The following GALNT17 variants were observed in gnomAD, a reference collection of about 807,000 sequenced individuals.
GALNT17 encodes UDP-GalNAc:polypeptide N-acetylgalactosaminyltransferase-like 3.
GALNT17 carries 29 observed loss-of-function variants against 63.7 expected under a neutral mutation model. That is an observed-to-expected ratio of 0.46 (90% CI 0.34 to 0.62). The LOEUF (loss-of-function observed/expected upper bound fraction) is 0.62. GALNT17 is among the 20% of genes least tolerant of loss of function. GALNT17 has a pLI of 0.01. For synonymous variants in GALNT17, 305 were observed against 318.3 expected (o/e 0.96, Z 0.45); for missense variants, 603 against 799.6 (o/e 0.75, Z 2.97).
At chr7:71,250,437 A>G (rs981846064) in intron 1 of GALNT17, among the ~76,000 whole-genome samples, 8 of 152,152 alleles carry the variant, frequency 5.3e-5, no homozygotes, top group South Asian at 4.2e-4. Flanking sequence ...CAGTATGGCT[A>G]TATTTTAAAT....
chr7:71,650,776 G>A (rs1279799763), intron 6 of GALNT17, among the ~76,000 whole-genome samples: 2 of 152,194 alleles, frequency 1.3e-5, no homozygotes, highest in African/African-American at 4.8e-5. Context: ...AGTGAATACA[G>A]TGTTTTCACC....
intron 6 of GALNT17, among the ~76,000 whole-genome samples, chr7:71,661,266 C>T (rs1392008312): frequency 7.2e-5 from 11 of 152,242 alleles, no homozygotes; most frequent in Admixed American, 4.6e-4. Context: ...GGTTCTGACT[C>T]CTCCCCTTAC....
intron 5 of GALNT17, among the ~76,000 whole-genome samples, chr7:71,470,754 G>T (rs1787614640): frequency 6.6e-6 from 1 of 152,148 alleles, no homozygotes; most frequent in African/African-American, 2.4e-5. Flanking sequence ...GAGAGTGAGG[G>T]TGGGTGTTTT....
intron 1 of GALNT17, among the ~76,000 whole-genome samples, chr7:71,211,932 G>T (rs1430981209): frequency 1.3e-5 from 2 of 152,188 alleles, no homozygotes; most frequent in Admixed American, 6.5e-5. Flanking sequence ...ATAAAAGTTT[G>T]GAAAATTTGC....
At chr7:71,380,981 GA>G (rs1249636515) in intron 2 of GALNT17, among the ~76,000 whole-genome samples, 1 of 149,952 alleles carries the variant, frequency 6.7e-6, no homozygotes, top group African/African-American at 2.5e-5. Flanking sequence ...TTTTTTTTAA[GA>G]CAGGATCTCG....
rs968757491 is a variant in GALNT17, at chr7:71,436,056, C to T, written c.962+14951C>T. ...AAAAAAAAAAAACAACTCTGATCCC[C>T]GAATGCTCAGGGAGACTGATTTGAG... On this transcript the variant is annotated intron_variant, in intron 5 of 10. Coordinates refer to ENST00000333538, the MANE Select transcript of GALNT17 (RefSeq NM_022479.3). Among the ~76,000 whole-genome samples the T allele has an allele frequency of 2.0e-5, 3 of 151,750 alleles. No individual in the cohort carries two copies. The East Asian group carries it at 5.8e-4, about 29-fold the overall frequency.
chr7:71,464,719 G>T (rs573378589), intron 5 of GALNT17, among the ~76,000 whole-genome samples: 18 of 152,294 alleles, frequency 1.2e-4, no homozygotes, highest in Admixed American at 9.8e-4. Context: ...TCCGTGGACA[G>T]GATCAAGACT....
intron 1 of GALNT17, among the ~76,000 whole-genome samples, chr7:71,195,838 A>G (rs1344210505): frequency 6.6e-6 from 1 of 151,766 alleles, no homozygotes; most frequent in Non-Finnish European, 1.5e-5. Context: ...CACCCAGCCG[A>G]GCCTATCATC....
At chr7:71,613,791 GAT>G (rs1491107897) in intron 6 of GALNT17, among the ~76,000 whole-genome samples, 1 of 139,300 alleles carries the variant, frequency 7.2e-6, no homozygotes, top group Non-Finnish European at 1.5e-5. Context: ...CCATCTCTAT[GAT>G]TTTTTTTTTT....
intron 6 of GALNT17, among the ~76,000 whole-genome samples, chr7:71,607,935 C>T (rs1562708637): frequency 6.6e-6 from 1 of 152,178 alleles, no homozygotes; most frequent in East Asian, 1.9e-4. Flanking sequence ...TAGTCCTGAA[C>T]TTTCAGTTGC....
chr7:71,467,332 T>TTA (rs1787553149), intron 5 of GALNT17, among the ~76,000 whole-genome samples: 1 of 152,154 alleles, frequency 6.6e-6, no homozygotes, highest in Admixed American at 6.5e-5. Flanking sequence ...GTATACCATG[T>TTA]TATAGATCAA....
chr7:71,614,746 G>C (rs1456819966), intron 6 of GALNT17, among the ~76,000 whole-genome samples: 1 of 150,458 alleles, frequency 6.6e-6, no homozygotes, highest in East Asian at 1.9e-4. Flanking sequence ...GAAGTGGAGA[G>C]AGCGAAAGAA....
At position 71,588,531 on chromosome 7, in the gene GALNT17, T is replaced by A. The variant is rs149167668; in HGVS notation, c.1080+17129T>A. Among the ~76,000 whole-genome samples the A allele has an allele frequency of 6.8e-4, 103 of 152,342 alleles. 1 individual carries two copies. In the East Asian group the frequency reaches 0.019, roughly 28 times the overall value. On this transcript the variant is annotated intron_variant, in intron 6 of 10. Coordinates refer to ENST00000333538, the MANE Select transcript of GALNT17 (RefSeq NM_022479.3). ...TTAAGTTCACTTTTGTTTTTTCTTT[T>A]CTACCGAGGCTACAAGTCAGTTAAC... is the stretch of plus-strand genomic sequence containing the variant.
intron 9 of GALNT17, among the ~76,000 whole-genome samples, chr7:71,709,044 T>C (rs140907527): frequency 6.6e-6 from 1 of 152,200 alleles, no homozygotes; most frequent in Non-Finnish European, 1.5e-5. Context: ...GTCTTTTTGG[T>C]AGAATGATGT....
At chr7:71,482,264 C>T (rs1180105511) in intron 5 of GALNT17, among the ~76,000 whole-genome samples, 1 of 151,976 alleles carries the variant, frequency 6.6e-6, no homozygotes, top group Non-Finnish European at 1.5e-5. Flanking sequence ...ATTCTCCTGC[C>T]TCAGCCTCCA....
intron 9 of GALNT17, among the ~76,000 whole-genome samples, chr7:71,692,405 AG>A (rs1290077348): frequency 6.6e-6 from 1 of 152,200 alleles, no homozygotes; most frequent in African/African-American, 2.4e-5. Flanking sequence ...TGAATTAAAA[AG>A]GAAACAACGT....
Position 71,571,309 on chromosome 7 carries a change from G to A in GALNT17, c.987G>A (p.Ser329=), listed in dbSNP as rs144028983. 2.7e-4 allele frequency: 442 copies of A among 1,614,038 alleles called. 1 individual carries two copies. In the African/African-American group the frequency reaches 5.1e-3, roughly 19 times the overall value. ...PIRTPAMIGC[S]FVVNRKFFGE... ...GGACCCCAGCCATGATAGGCTGCTC[G>A]TTCGTGGTCAACAGGAAGTTCTTCG... The change falls in exon 6 of 11, where the codon TCG becomes TCA. Residue 329 remains serine (S), a synonymous_variant. Transcript: ENST00000333538.
rs180677338 is a variant in GALNT17, at chr7:71,365,199, C to T, written c.423-23036C>T. ...CTGCCTGCCTCAGCCTCCCAAAGCA[C>T]GGGGATTACAGGCATAAGCCACCAC... On this transcript the variant is annotated intron_variant, in intron 2 of 10. Coordinates refer to ENST00000333538, the MANE Select transcript of GALNT17 (RefSeq NM_022479.3). Among the ~76,000 whole-genome samples the T allele has an allele frequency of 9.9e-5, 15 of 152,192 alleles. No individual in the cohort carries two copies. In the East Asian group the frequency reaches 2.1e-3, roughly 22 times the overall value.
chr7:71,133,543 T>C (rs1266442998), intron 1 of GALNT17, among the ~76,000 whole-genome samples: 1 of 152,150 alleles, frequency 6.6e-6, no homozygotes, highest in Non-Finnish European at 1.5e-5. Context: ...GAGGAATATG[T>C]CATCTGTCTA....
Sources: allele counts gnomAD v4.1 joint callset (sites outside exome capture counted in the v4.1 genomes callset), GRCh38; gene constraint gnomAD v4.1.1; transcripts MANE v1.5; gene names NCBI Gene and HGNC (gene_info 2026-07-23, HGNC 2026-07-21).